Variants in OSBPL1A observed in about 807,000 individuals in gnomAD.
OSBPL1A encodes oxysterol binding protein like 1A.
In OSBPL1A, 80 loss-of-function variants were observed where a neutral mutation model predicts 137.1. The observed-to-expected ratio is 0.58, with a 90% CI of 0.49 to 0.70. The LOEUF is 0.70. Ranked by LOEUF, OSBPL1A falls within the 30% of genes least tolerant of loss-of-function variation. OSBPL1A has a pLI of 0.00. For missense variants in OSBPL1A, 970 were observed against 1,129.4 expected (o/e 0.86, Z 2.02); for synonymous variants, 365 against 389.7 (o/e 0.94, Z 0.75).
intron 13 of OSBPL1A, among the ~76,000 whole-genome samples, chr18:24,308,834 C>T (rs917025935): frequency 6.6e-6 from 1 of 152,110 alleles, no homozygotes; most frequent in South Asian, 2.1e-4. Flanking sequence ...ACAATCTCAC[C>T]TCACTGCAAC....
chr18:24,210,742 C>T (rs1234351628), intron 17 of OSBPL1A, among the ~76,000 whole-genome samples: 1 of 151,970 alleles, frequency 6.6e-6, no homozygotes, highest in African/African-American at 2.4e-5. Context: ...CCCTATGTTA[C>T]CCAGGATGGT....
chr18:24,245,046 G>C (rs1310136106), intron 15 of OSBPL1A, among the ~76,000 whole-genome samples: 1 of 152,148 alleles, frequency 6.6e-6, no homozygotes, highest in Non-Finnish European at 1.5e-5. Flanking sequence ...CTCTTCGCTA[G>C]TGCATGGATG....
chr18:24,180,898 T>C (rs180702451), intron 19 of OSBPL1A, among the ~76,000 whole-genome samples: 1 of 152,172 alleles, frequency 6.6e-6, no homozygotes, highest in African/African-American at 2.4e-5. Context: ...AAAAAGGATT[T>C]AGCAAAACCC....
chr18:24,373,705 AT>A (rs1206803927), intron 2 of OSBPL1A, among the ~76,000 whole-genome samples: 1 of 152,024 alleles, frequency 6.6e-6, no homozygotes, highest in African/African-American at 2.4e-5. Context: ...AATTTATACC[AT>A]TTTCCCAATT....
chr18:24,167,162 C>A (rs530965465), intron 25 of OSBPL1A, among the ~76,000 whole-genome samples, 167 bp downstream of exon 25: 3 of 152,150 alleles, frequency 2.0e-5, no homozygotes, highest in African/African-American at 4.8e-5. Context: ...GATGCACTTA[C>A]GACGCGCTGA....
intron 7 of OSBPL1A, among the ~76,000 whole-genome samples, chr18:24,323,176 A>G (rs1187096073): frequency 6.6e-6 from 1 of 152,138 alleles, no homozygotes; most frequent in African/African-American, 2.4e-5. Flanking sequence ...TAACCATTAA[A>G]AGTGCAATAC....
At position 24,383,180 on chromosome 18, in the gene OSBPL1A, C is replaced by T. The variant is rs147006161; in HGVS notation, c.-2-5645G>A. On this transcript the variant is annotated intron_variant, in intron 1 of 27. Coordinates refer to ENST00000319481, the MANE Select transcript of OSBPL1A (RefSeq NM_080597.4). ...ATTAAAGATAAAAACAAAAAAGCTT[C>T]ATGTCTAATTAATAAGGCATTTATC... Among the ~76,000 whole-genome samples the T allele has an allele frequency of 1.0e-3, 154 of 152,246 alleles. 1 individual carries two copies. The East Asian group carries it at 0.019, about 18-fold the overall frequency.
At chr18:24,170,181 G>C in intron 24 of OSBPL1A, 146 bp downstream of exon 24, 3 of 952,362 alleles carry the variant, frequency 3.2e-6, no homozygotes, top group East Asian at 4.9e-5. Context: ...GCAAATGTCT[G>C]ATCATTAAAA....
intron 1 of OSBPL1A, among the ~76,000 whole-genome samples, chr18:24,390,903 C>T (rs1393495503): frequency 6.6e-6 from 1 of 151,864 alleles, no homozygotes; most frequent in African/African-American, 2.4e-5. Context: ...AGCTCGAGAC[C>T]AGCCTGGCCA....
intron 3 of OSBPL1A, 46 bp from the exon 4 acceptor site, chr18:24,367,012 A>G (rs772282478): frequency 7.0e-5 from 105 of 1,493,994 alleles, no homozygotes; most frequent in Non-Finnish European, 9.4e-5. Context: ...TACAATGGTG[A>G]AAATCATTCC....
intron 15 of OSBPL1A, among the ~76,000 whole-genome samples, chr18:24,268,092 T>G (rs560103714): frequency 6.6e-6 from 1 of 152,302 alleles, no homozygotes; most frequent in East Asian, 1.9e-4. Flanking sequence ...TGGCTTCCTC[T>G]TATGTCAAGC....
chr18:24,218,744 C>T (rs1305951200), intron 17 of OSBPL1A, among the ~76,000 whole-genome samples: 2 of 152,020 alleles, frequency 1.3e-5, no homozygotes, highest in African/African-American at 4.8e-5. Flanking sequence ...CTGCGCCTGG[C>T]CCAACATGGT....
At chr18:24,359,764 A>G (rs1416704504) in intron 4 of OSBPL1A, among the ~76,000 whole-genome samples, 3 of 152,206 alleles carry the variant, frequency 2.0e-5, no homozygotes, top group Non-Finnish European at 4.4e-5. Flanking sequence ...TTCATTATAC[A>G]TACCATATTC....
At chr18:24,337,396 TAA>T (rs1568036755) in intron 5 of OSBPL1A, among the ~76,000 whole-genome samples, 3 of 151,052 alleles carry the variant, frequency 2.0e-5, no homozygotes, top group Non-Finnish European at 4.4e-5. Flanking sequence ...TAACATAACA[TAA>T]CATAACATAA....
rs535959960 is a variant in OSBPL1A at position 24,379,119 on chromosome 18, A to C, written c.-2-1584T>G. 1.5e-3 allele frequency among the ~76,000 whole-genome samples: 233 copies of C among 152,364 alleles called. 1 individual carries two copies. Among genetic ancestry groups the C allele is most frequent in the African/African-American group, 5.2e-3 (216 of 41,592 alleles). On this transcript the variant is annotated intron_variant, in intron 1 of 27. Transcript: ENST00000319481. ...TAAAAAAAAATAAAGCTTGAGAAAA[A>C]GAACTTTGGAAATAAAAATAGCAAA...
chr18:24,226,737 G>A (rs960435657), intron 16 of OSBPL1A, among the ~76,000 whole-genome samples: 6 of 152,068 alleles, frequency 3.9e-5, no homozygotes, highest in African/African-American at 1.2e-4. Flanking sequence ...ATGCACCTTT[G>A]GCTCTCAACG....
intron 5 of OSBPL1A, among the ~76,000 whole-genome samples, chr18:24,339,117 G>T (rs2091232228): frequency 1.3e-5 from 2 of 152,050 alleles, no homozygotes; most frequent in Admixed American, 6.6e-5. Context: ...GATTACAGGT[G>T]TCCACTACTA....
Position 24,317,367 on chromosome 18 carries a change from C to A in OSBPL1A, c.766G>T (p.Val256Leu). The A allele has an allele frequency of 6.2e-7, 1 of 1,613,684 alleles. No homozygotes were observed. Among genetic ancestry groups the A allele is most frequent in the Non-Finnish European group, 8.5e-7 (1 of 1,179,790 alleles). The change falls in exon 10 of 28, where the codon GTA becomes TTA. Residue 256 changes from valine (V) to leucine (L), a missense_variant. Val to Leu is a conservative substitution (Grantham distance 32, BLOSUM62 1). Transcript: ENST00000319481. The stretch of plus-strand genomic sequence containing the variant: ...GAAAGGACTCCATGCTCTAACACTA[C>A]CCAGAATAATCTCCAGCCAAAAAAT... ...SRFFGWRLFW[V>L]VLEHGVLSWY...
chr18:24,170,525 C>T (rs2145908823), intron 23 of OSBPL1A, 72 bp from the exon 24 acceptor site: 1 of 1,576,442 alleles, frequency 6.3e-7, no homozygotes, highest in East Asian at 2.2e-5. Flanking sequence ...ACCTGGTATT[C>T]CCAGGCGGTC....
Sources: allele counts gnomAD v4.1 joint callset (sites outside exome capture counted in the v4.1 genomes callset), GRCh38; gene constraint gnomAD v4.1.1; transcripts MANE v1.5; gene names NCBI Gene and HGNC (gene_info 2026-07-23, HGNC 2026-07-21).